Variants in THADA observed in about 807,000 individuals in gnomAD.
THADA encodes THADA armadillo repeat containing.
THADA carries 213 observed loss-of-function variants against 219.8 expected under a neutral mutation model. That is an observed-to-expected ratio of 0.97 (90% CI 0.87 to 1.09). The LOEUF is 1.09. THADA is among the 50% of genes least tolerant of loss of function. The pLI is 0.00. For missense variants in THADA, 2,956 were observed against 2,311.3 expected, an observed-to-expected ratio of 1.28 and a Z score of -5.72; for synonymous variants, 1,018 against 828.9, an observed-to-expected ratio of 1.23 and a Z score of -3.92.
chr2:43,440,727 T>C (rs1680743395), intron 26 of THADA, among the ~76,000 whole-genome samples: 2 of 152,234 alleles, frequency 1.3e-5, no homozygotes, highest in South Asian at 4.1e-4. Flanking sequence ...AGTGGTCTGC[T>C]ATTTCTTGGT....
intron 26 of THADA, among the ~76,000 whole-genome samples, chr2:43,452,935 A>C (rs1558784365): frequency 6.6e-6 from 1 of 152,132 alleles, no homozygotes; most frequent in Non-Finnish European, 1.5e-5. Context: ...CCCCAAAAAA[A>C]CATCTAACTC....
intron 29 of THADA, among the ~76,000 whole-genome samples, chr2:43,368,002 C>T (rs999926139): frequency 4.6e-5 from 7 of 152,030 alleles, no homozygotes; most frequent in African/African-American, 1.7e-4. Context: ...CCTGTAATCC[C>T]AGCTACTTGG....
At chr2:43,519,546 C>T (rs569548462) in intron 22 of THADA, among the ~76,000 whole-genome samples, 7 of 152,260 alleles carry the variant, frequency 4.6e-5, no homozygotes, top group African/African-American at 1.7e-4. Context: ...ATCCTTAGTC[C>T]CTTATTCAAG....
chr2:43,288,741 C>G (rs755107682), intron 34 of THADA, among the ~76,000 whole-genome samples: 1 of 152,184 alleles, frequency 6.6e-6, no homozygotes, highest in Non-Finnish European at 1.5e-5. Context: ...CATTGGACAT[C>G]GGTGATCAAC....
In THADA at chr2:43,466,622, C is replaced by T. The variant is rs189783217; in HGVS notation, c.3836+18612G>A. Reference sequence around the variant, plus strand: ...TGGCACATAGCAGCAGGTCAATATACCCTACTGAGTAAATGAATGCTTACA... The same window carrying T: ...TGGCACATAGCAGCAGGTCAATATATCCTACTGAGTAAATGAATGCTTACA... On this transcript the variant is annotated intron_variant, in intron 26 of 37. Transcript: ENST00000405975. 2.0e-5 allele frequency among the ~76,000 whole-genome samples: 3 copies of T among 152,254 alleles called. No homozygotes were observed. In the East Asian group the frequency reaches 5.8e-4, roughly 29 times the overall value.
intron 22 of THADA, among the ~76,000 whole-genome samples, chr2:43,510,992 A>T (rs982964177): frequency 1.7e-4 from 19 of 110,516 alleles, no homozygotes; most frequent in African/African-American, 8.2e-4. Flanking sequence ...AAAAAATTTA[A>T]AAAAAAAAAA....
chr2:43,583,901 A>G lies in THADA; in HGVS notation c.534-1973T>C, dbSNP rs150037383. The stretch of plus-strand genomic sequence containing the variant: ...CTACCAAAAATATAAAAAACAGGGC[A>G]TAGTGGCGGACGTCTGTGGGCCCAG... On this transcript the variant is annotated intron_variant, in intron 7 of 37. Coordinates refer to ENST00000405975, the MANE Select transcript of THADA (RefSeq NM_022065.5). 3.7e-3 allele frequency among the ~76,000 whole-genome samples: 562 copies of G among 152,162 alleles called. 2 individuals are homozygous for G. The highest frequency in any genetic ancestry group is 0.013 in the African/African-American group (537 of 41,536).
chr2:43,276,795 C>A (rs946857904), intron 36 of THADA, among the ~76,000 whole-genome samples: 10 of 152,138 alleles, frequency 6.6e-5, no homozygotes, highest in African/African-American at 2.4e-4. Context: ...AGTGCCTTTC[C>A]CGATTTCCTG....
chr2:43,419,372 G>A (rs1215695957), intron 28 of THADA, among the ~76,000 whole-genome samples: 1 of 151,950 alleles, frequency 6.6e-6, no homozygotes. Context: ...GAGGGTGAAG[G>A]TATCCTGAGC....
chr2:43,388,949 G>A (rs1195763308), intron 29 of THADA, among the ~76,000 whole-genome samples: 3 of 151,988 alleles, frequency 2.0e-5, no homozygotes, highest in Middle Eastern at 3.4e-3. Context: ...CTCACCCCCC[G>A]CCCGTAGCAG....
At chr2:43,504,126 G>T (rs1689360913) in intron 24 of THADA, among the ~76,000 whole-genome samples, 1 of 151,512 alleles carries the variant, frequency 6.6e-6, no homozygotes, top group East Asian at 1.9e-4. Flanking sequence ...TCAGATAAAA[G>T]ATACTCAACA....
intron 29 of THADA, among the ~76,000 whole-genome samples, chr2:43,395,126 T>G (rs1411307691): frequency 6.6e-6 from 1 of 152,134 alleles, no homozygotes; most frequent in Non-Finnish European, 1.5e-5. Flanking sequence ...GCACAACTGG[T>G]GAGAGAGCCC....
In THADA at chr2:43,401,958, A is replaced by AT. The variant is rs397761433; in HGVS notation, c.4059-3820dup. On this transcript the variant is annotated intron_variant, in intron 28 of 37. Transcript: ENST00000405975. ...TTTGTTGTTTTTTTTTTTAAAAAAA[A>AT]TTTTAAGGATCATGAAAATATTTCA... is the stretch of plus-strand genomic sequence containing the variant. Among the ~76,000 whole-genome samples the AT allele has an allele frequency of 1.1e-4, 17 of 151,872 alleles. 1 individual carries two copies. The highest frequency in any genetic ancestry group is 1.4e-4 in the African/African-American group (6 of 41,442).
In THADA at chr2:43,232,865, C is replaced by T. The variant is rs200346288; in HGVS notation, c.5314G>A (p.Val1772Met). Reference protein sequence around the residue: ...CQSTEFAFCQVDASIALALAL... With the variant: ...CQSTEFAFCQMDASIALALAL... ...AGGGCCAGAGCGATGGAGGCATCCA[C>T]CTGGCAGAAGGCAAACTCTGCAAAG... The change falls in exon 37 of 38, where the codon GTG becomes ATG. Residue 1772 changes from valine (V) to methionine (M), a missense_variant. Physicochemically the swap from Val to Met is conservative, Grantham distance 21 (BLOSUM62 1). Coordinates refer to ENST00000405975, the MANE Select transcript of THADA (RefSeq NM_022065.5). 3.1e-6 allele frequency: 5 copies of T among 1,610,460 alleles called. No individual in the cohort carries two copies. Among genetic ancestry groups the T allele is most frequent in the Non-Finnish European group, 4.2e-6 (5 of 1,178,654 alleles).
chr2:43,326,550 C>G (rs1459820958), intron 30 of THADA, among the ~76,000 whole-genome samples: 1 of 152,106 alleles, frequency 6.6e-6, no homozygotes, highest in Non-Finnish European at 1.5e-5. Context: ...CTCCTATCTA[C>G]AAGATATAAT....
At chr2:43,581,434 G>T (rs1332219451) in intron 8 of THADA, among the ~76,000 whole-genome samples, 1 of 151,576 alleles carries the variant, frequency 6.6e-6, no homozygotes, top group Non-Finnish European at 1.5e-5. Flanking sequence ...AGAAGCGGAG[G>T]CACGAGAATC....
At chr2:43,337,167 G>A (rs1011009027) in intron 30 of THADA, among the ~76,000 whole-genome samples, 21 of 152,252 alleles carry the variant, frequency 1.4e-4, no homozygotes, top group Non-Finnish European at 1.8e-4. Context: ...TGCACAGCAG[G>A]CCTGGGCCTG....
intron 29 of THADA, among the ~76,000 whole-genome samples, chr2:43,393,513 G>C (rs905889559): frequency 5.9e-5 from 9 of 152,076 alleles, no homozygotes; most frequent in Non-Finnish European, 1.3e-4. Context: ...TTCAAGACCA[G>C]TCTGGCCAAC....
chr2:43,232,659 C>T (rs1667573676), intron 37 of THADA, 54 bp downstream of exon 37: 45 of 1,569,994 alleles, frequency 2.9e-5, no homozygotes, highest in South Asian at 2.2e-4. Flanking sequence ...CTGCATCTAG[C>T]GGGTTTAGGA....
Sources: gnomAD v4.1 joint callset for allele counts (sites outside exome capture counted in the v4.1 genomes callset) on GRCh38, gnomAD v4.1.1 for gene constraint, MANE v1.5 for transcripts, NCBI Gene and HGNC (gene_info 2026-07-23, HGNC 2026-07-21) for gene names.